The following MEF2C variants were observed in gnomAD, a reference collection of about 807,000 sequenced individuals.
The protein encoded by MEF2C is myocyte enhancer factor 2C, also known as myocyte-specific enhancer factor 2C.
MEF2C carries 6 observed loss-of-function variants against 50.5 expected under a neutral mutation model. That is an observed-to-expected ratio of 0.12 (90% CI 0.07 to 0.23). MEF2C has a LOEUF of 0.23. Among genes scored for constraint, MEF2C ranks in the 10% least tolerant of loss-of-function variants. The pLI is 1.00. For missense variants in MEF2C, 276 were observed against 605.0 expected (o/e 0.46, Z 5.70); for synonymous variants, 183 against 228.0 (o/e 0.80, Z 1.78).
rs113018209 is a variant in MEF2C at position 88,864,151 on chromosome 5, G to GT, written c.-143+18803dup. ...AGCCATGTTTTCTGTTTTTTTTTTT[G>GT]TTTTTTTTTTTAAGGCTGAATGGTA... On this transcript the variant is annotated intron_variant, in intron 1 of 10. Transcript: ENST00000504921. 1.0e-3 allele frequency among the ~76,000 whole-genome samples: 100 copies of GT among 95,878 alleles called. No individual in the cohort carries two copies. The East Asian group carries it at 0.029, about 28-fold the overall frequency. The allele number at this position is 95,878 out of a possible 152,430, so 62.9% of individuals were successfully genotyped here.
In MEF2C at chr5:88,737,116, A is replaced by T. The variant is rs568194471; in HGVS notation, c.638-5215T>A. The T allele has an allele frequency of 1.3e-4, 129 of 985,306 alleles. No individual in the cohort carries two copies. In the African/African-American group the frequency reaches 1.7e-3, roughly 13 times the overall value. 61.0% of individuals were successfully genotyped at this position (985,306 alleles called of 1,614,324 possible). A position where few individuals can be genotyped will look rare whatever the true frequency, so the allele number is the denominator to read the frequency against. ...AGAATTATTCAGGAAAGGCACTAAAAGGTAAGTTATTGAGGGACAATGAGG... is the reference window on the plus strand; with the variant it reads ...AGAATTATTCAGGAAAGGCACTAAATGGTAAGTTATTGAGGGACAATGAGG... On this transcript the variant is annotated intron_variant, in intron 6 of 10. Coordinates refer to ENST00000504921, the MANE Select transcript of MEF2C (RefSeq NM_002397.5).
chr5:88,801,159 G>A (rs1340712676), intron 3 of MEF2C, among the ~76,000 whole-genome samples: 3 of 152,134 alleles, frequency 2.0e-5, no homozygotes, highest in East Asian at 1.9e-4. Flanking sequence ...TATCTCTCCC[G>A]ATACCTTTTC....
chr5:88,731,614 TTA>T, intron 7 of MEF2C, 113 bp downstream of exon 7: 1 of 963,844 alleles, frequency 1.0e-6, no homozygotes, highest in East Asian at 2.6e-5. Context: ...AATGGCACTG[TTA>T]TGTTAATTTT....
intron 6 of MEF2C, among the ~76,000 whole-genome samples, chr5:88,745,844 G>A (rs993343364): frequency 6.6e-6 from 1 of 152,040 alleles, no homozygotes; most frequent in African/African-American, 2.4e-5. Context: ...ACACAGTATG[G>A]GACCTGACTA....
chr5:88,842,445 A>G (rs1433479139), intron 1 of MEF2C, among the ~76,000 whole-genome samples: 1 of 152,096 alleles, frequency 6.6e-6, no homozygotes, highest in East Asian at 1.9e-4. Context: ...AGATATTTCT[A>G]TTATATGAGG....
At chr5:88,869,268 T>C (rs1304543335) in intron 1 of MEF2C, among the ~76,000 whole-genome samples, 6 of 62,450 alleles carry the variant, frequency 9.6e-5, no homozygotes, top group Non-Finnish European at 1.4e-4. Flanking sequence ...TATATATATA[T>C]ATATATATAC....
At chr5:88,763,420 A>G in intron 3 of MEF2C, among the ~76,000 whole-genome samples, 1 of 152,164 alleles carries the variant, frequency 6.6e-6, no homozygotes, top group Non-Finnish European at 1.5e-5. Context: ...TTTTCTTATT[A>G]TCTCAACCAC....
intron 6 of MEF2C, chr5:88,737,426 G>A (rs1581503848): frequency 7.1e-6 from 7 of 985,376 alleles, no homozygotes; most frequent in Non-Finnish European, 8.4e-6. Flanking sequence ...GCAAGTGGTA[G>A]AATTAAACAA....
intron 1 of MEF2C, chr5:88,838,477 A>G: frequency 4.8e-6 from 4 of 837,014 alleles, no homozygotes; most frequent in Non-Finnish European, 5.8e-6. Context: ...ATTCCCGGAA[A>G]AAGAAACCCA....
chr5:88,743,070 G>A, intron 6 of MEF2C: 1 of 973,864 alleles, frequency 1.0e-6, no homozygotes, highest in Non-Finnish European at 1.2e-6. Context: ...TCAAACTAAT[G>A]GAACAATACT....
At chr5:88,794,944 G>A (rs1795364844) in intron 3 of MEF2C, among the ~76,000 whole-genome samples, 1 of 152,156 alleles carries the variant, frequency 6.6e-6, no homozygotes, top group South Asian at 2.1e-4. Context: ...TCAAAGATAA[G>A]ATAGTTGTAG....
chr5:88,869,296 C>CATATATAT (rs1561421061), intron 1 of MEF2C, among the ~76,000 whole-genome samples: 5 of 104,870 alleles, frequency 4.8e-5, no homozygotes, highest in Admixed American at 1.1e-4. Context: ...TATATATATA[C>CATATATAT]ACATATATAT....
chr5:88,812,139 C>T (rs1455601290), intron 2 of MEF2C, among the ~76,000 whole-genome samples: 1 of 152,110 alleles, frequency 6.6e-6, no homozygotes, highest in African/African-American at 2.4e-5. Flanking sequence ...CTCCTAGGAC[C>T]TGTCAGCTTG....
intron 1 of MEF2C, among the ~76,000 whole-genome samples, chr5:88,836,622 A>G (rs532400431): frequency 4.1e-4 from 62 of 152,268 alleles, no homozygotes; most frequent in Non-Finnish European, 1.2e-4. Flanking sequence ...CTGCAGAGGG[A>G]TGTTGCCCTG....
At chr5:88,744,198 T>A (rs1476693675) in intron 6 of MEF2C, 1 of 866,902 alleles carries the variant, frequency 1.2e-6, no homozygotes, top group Non-Finnish European at 1.3e-6. Context: ...TTAAATCTAA[T>A]GACTACAAAC....
chr5:88,723,884 C>A (rs371239519), intron 10 of MEF2C, among the ~76,000 whole-genome samples: 1 of 152,152 alleles, frequency 6.6e-6, no homozygotes, highest in East Asian at 1.9e-4. Flanking sequence ...TTTCCTTTTT[C>A]CAAAATCTGG....
chr5:88,821,424 A>AT (rs1051755393), intron 2 of MEF2C, among the ~76,000 whole-genome samples: 4 of 151,022 alleles, frequency 2.6e-5, no homozygotes, highest in Admixed American at 2.0e-4. Context: ...CACCCAGTTA[A>AT]TTTTTTTTTA....
intron 6 of MEF2C, chr5:88,740,893 C>T (rs1031141871): frequency 5.1e-6 from 5 of 985,356 alleles, no homozygotes; most frequent in Non-Finnish European, 6.0e-6. Flanking sequence ...TCATTATTGA[C>T]ACAATCGCTC....
intron 6 of MEF2C, chr5:88,735,849 A>C: frequency 1.0e-6 from 1 of 985,434 alleles, no homozygotes; most frequent in Non-Finnish European, 1.2e-6. Context: ...TCACTTGAAC[A>C]TGTAGCTCTC....
Sources: gnomAD v4.1 joint callset for allele counts (sites outside exome capture counted in the v4.1 genomes callset) on GRCh38, gnomAD v4.1.1 for gene constraint, MANE v1.5 for transcripts, NCBI Gene and HGNC (gene_info 2026-07-23, HGNC 2026-07-21) for gene names.